Variants in ATP12A observed in about 807,000 individuals in gnomAD.
ATP12A encodes the protein ATPase H+/K+ transporting non-gastric alpha2 subunit, also known as potassium-transporting ATPase alpha chain 2.
Under a neutral mutation model 111.2 loss-of-function variants are expected in ATP12A, and 81 were observed. The observed-to-expected ratio is 0.73, with a 90% CI of 0.61 to 0.88. The LOEUF is 0.88. Among genes scored for constraint, ATP12A ranks in the 40% least tolerant of loss-of-function variants. The probability of loss-of-function intolerance (pLI) is 0.00; values close to 1 mark genes in which losing one functional copy is unlikely to be tolerated. For synonymous variants in ATP12A, 498 were observed against 499.8 expected (o/e 1.00, Z 0.05); for missense variants, 1,196 against 1,313.1 (o/e 0.91, Z 1.38).
intron 2 of ATP12A, among the ~76,000 whole-genome samples, chr13:24,682,064 G>GTGA (rs1325562756): frequency 8.8e-5 from 12 of 136,036 alleles, no homozygotes; most frequent in Admixed American, 2.2e-4. Flanking sequence ...TGTATGGTGT[G>GTGA]TGTGTATGGT....
At chr13:24,706,567 A>AAG in intron 15 of ATP12A, 104 bp downstream of exon 15, 1 of 1,463,900 alleles carries the variant, frequency 6.8e-7, no homozygotes, top group Non-Finnish European at 9.1e-7. Flanking sequence ...TTGAAACTTC[A>AAG]AGAGAGAGTT....
intron 4 of ATP12A, 136 bp downstream of exon 4, chr13:24,688,658 T>C (rs1360244326): frequency 2.2e-6 from 2 of 889,750 alleles, no homozygotes; most frequent in Admixed American, 2.9e-5. Context: ...AAACAGAAAT[T>C]CTATCTGGCT....
At chr13:24,699,298 C>T (rs1875297373) in intron 12 of ATP12A, among the ~76,000 whole-genome samples, 1 of 152,170 alleles carries the variant, frequency 6.6e-6, no homozygotes, top group African/African-American at 2.4e-5. Flanking sequence ...AGCCAGGTTT[C>T]ATCCTGCAGT....
chr13:24,686,607 C>T (rs1414953941), intron 3 of ATP12A, among the ~76,000 whole-genome samples: 4 of 152,082 alleles, frequency 2.6e-5, no homozygotes, highest in African/African-American at 7.2e-5. Flanking sequence ...GGCACGGTGG[C>T]GGGCGCCTGT....
At chr13:24,683,890 A>G (rs1874572299) in intron 2 of ATP12A, among the ~76,000 whole-genome samples, 1 of 152,184 alleles carries the variant, frequency 6.6e-6, no homozygotes, top group African/African-American at 2.4e-5. Flanking sequence ...TCAGCAGCAT[A>G]TTGAATGCTT....
Position 24,694,592 on chromosome 13 carries a change from C to T in ATP12A, c.1512+14C>T, listed in dbSNP as rs1157663330. On this transcript the variant is annotated intron_variant, in intron 11 of 22. Coordinates refer to ENST00000381946, the MANE Select transcript of ATP12A (RefSeq NM_001676.7). ...AATAAATTTCAGGTGAGTTTTTCCT[C>T]ACAACCGGTAATCTCTGTCATCGGC... is the stretch of plus-strand genomic sequence containing the variant. 6.2e-7 allele frequency: 1 copy of T among 1,612,110 alleles called. No homozygotes were observed. Among genetic ancestry groups the T allele is most frequent in the Admixed American group, 1.7e-5 (1 of 59,952 alleles).
chr13:24,685,591 A>G lies in ATP12A; in HGVS notation c.228+218A>G, dbSNP rs13378235. 0.14 allele frequency among the ~76,000 whole-genome samples: 21,583 copies of G among 152,144 alleles called. 1,606 individuals carry two copies. Among genetic ancestry groups the G allele is most frequent in the Middle Eastern group, 0.23 (68 of 294 alleles). On this transcript the variant is annotated intron_variant, in intron 3 of 22. Coordinates refer to ENST00000381946, the MANE Select transcript of ATP12A (RefSeq NM_001676.7). The surrounding 1 kb of genome is among the most constrained non-coding windows in gnomAD (Gnocchi z 5.5). ...CACTGGCCTGGCAGTGAGAGGGACC[A>G]AGAGGGACAGATGACCCCTGGCCTC...
At chr13:24,683,100 G>A (rs1185724885) in intron 2 of ATP12A, among the ~76,000 whole-genome samples, 1 of 152,090 alleles carries the variant, frequency 6.6e-6, no homozygotes, top group Admixed American at 6.6e-5. Flanking sequence ...GGGATTACAG[G>A]CGCCCGCCAT....
rs565148736 is a variant in ATP12A at position 24,707,260 on chromosome 13, G to A, written c.2339-19G>A. 2 of 1,614,154 alleles carry A rather than the reference G, an allele frequency of 1.2e-6. No homozygotes were observed. Among genetic ancestry groups the A allele is most frequent in the South Asian group, 2.2e-5 (2 of 91,082 alleles). On this transcript the variant is annotated intron_variant, in intron 16 of 22. Transcript: ENST00000381946. Reference sequence around the variant, plus strand: ...GGGGGACTAGAAGTAAGTTCTGAAGGAGAAACCTCTCTGCCTAGGTCGCCT... The same window carrying A: ...GGGGGACTAGAAGTAAGTTCTGAAGAAGAAACCTCTCTGCCTAGGTCGCCT...
At chr13:24,697,908 A>G (rs971296146) in intron 11 of ATP12A, among the ~76,000 whole-genome samples, 5 of 152,162 alleles carry the variant, frequency 3.3e-5, no homozygotes. Context: ...CCAAAATTGT[A>G]GCACTTTTCT....
intron 5 of ATP12A, among the ~76,000 whole-genome samples, chr13:24,690,126 T>C (rs992336638): frequency 6.6e-6 from 1 of 152,184 alleles, no homozygotes; most frequent in Non-Finnish European, 1.5e-5. Context: ...AGCAGTCTTC[T>C]GTTTCATTCT....
In ATP12A at chr13:24,711,676, T is replaced by G. The variant is rs1875980923; in HGVS notation, c.*154T>G. 4 of 990,332 alleles carry G rather than the reference T, an allele frequency of 4.0e-6. No homozygotes were observed. Among genetic ancestry groups the G allele is most frequent in the South Asian group, 1.6e-5 (1 of 60,634 alleles). 61.3% of individuals were successfully genotyped at this position (990,332 alleles called of 1,614,324 possible). On this transcript the variant is annotated 3_prime_UTR_variant, in exon 23 of 23. Coordinates refer to ENST00000381946, the MANE Select transcript of ATP12A (RefSeq NM_001676.7). Reference sequence around the variant, plus strand: ...AGAAAGCTGTATGCAGGATGCTCACTGATGTTTTGCACTTTAAAACTGAAA... The same window carrying G: ...AGAAAGCTGTATGCAGGATGCTCACGGATGTTTTGCACTTTAAAACTGAAA...
At chr13:24,681,873 CTGTGTGGTGTGTG>C (rs1874449677) in intron 2 of ATP12A, among the ~76,000 whole-genome samples, 153 bp downstream of exon 2, 1 of 140,706 alleles carries the variant, frequency 7.1e-6, no homozygotes, top group African/African-American at 2.7e-5. Flanking sequence ...CGTGGTGTGT[CTGTGTGGTGTGTG>C]TGTGTGGTGT....
chr13:24,691,644 A>G (rs1366644291), intron 8 of ATP12A, among the ~76,000 whole-genome samples: 1 of 151,438 alleles, frequency 6.6e-6, no homozygotes, highest in Non-Finnish European at 1.5e-5. Flanking sequence ...TACGAAAAAA[A>G]AAAATTCCTC....
intron 17 of ATP12A, among the ~76,000 whole-genome samples, chr13:24,707,709 A>C (rs1056973159): frequency 6.6e-6 from 1 of 151,984 alleles, no homozygotes; most frequent in Non-Finnish European, 1.5e-5. Context: ...ACAGAGTTTC[A>C]CTCCCATCAC....
At chr13:24,687,666 A>G (rs1283619879) in intron 3 of ATP12A, among the ~76,000 whole-genome samples, 5 of 152,200 alleles carry the variant, frequency 3.3e-5, no homozygotes, top group Non-Finnish European at 7.3e-5. Context: ...GGGCTTGGGT[A>G]GGATTTATGC....
At chr13:24,693,488 C>T (rs941476559) in intron 10 of ATP12A, among the ~76,000 whole-genome samples, 1 of 152,044 alleles carries the variant, frequency 6.6e-6, no homozygotes, top group Non-Finnish European at 1.5e-5. Context: ...CTTTTCTCTC[C>T]GTCAGACAGC....
At chr13:24,686,746 G>A (rs1327518421) in intron 3 of ATP12A, among the ~76,000 whole-genome samples, 5 of 148,150 alleles carry the variant, frequency 3.4e-5, no homozygotes, top group Non-Finnish European at 7.4e-5. Flanking sequence ...CGAAAGAAAA[G>A]AAGGAAAGAA....
chr13:24,682,559 C>A (rs8002900), intron 2 of ATP12A, among the ~76,000 whole-genome samples: 26,159 of 152,146 alleles, frequency 0.17, 2,706 homozygotes, highest in African/African-American at 0.28. Flanking sequence ...TCTCTCCCCG[C>A]AGCTGCTTCA....
Sources: allele counts gnomAD v4.1 joint callset (sites outside exome capture counted in the v4.1 genomes callset), GRCh38; gene constraint gnomAD v4.1.1; non-coding constraint Gnocchi (gnomAD v3.1); transcripts MANE v1.5; gene names NCBI Gene and HGNC (gene_info 2026-07-23, HGNC 2026-07-21).